The following CSMD3 variants were observed in gnomAD, a reference collection of about 807,000 sequenced individuals.
CSMD3 encodes CUB and Sushi multiple domains 3.
CSMD3 carries 177 observed loss-of-function variants against 435.2 expected under a neutral mutation model. That is an observed-to-expected ratio of 0.41 (90% CI 0.36 to 0.46). CSMD3 has a LOEUF of 0.46. Ranked by LOEUF, CSMD3 falls within the 20% of genes least tolerant of loss-of-function variation. CSMD3 has a pLI of 0.34. For synonymous variants in CSMD3, 1,656 were observed against 1,520.5 expected (o/e 1.09, Z -2.07); for missense variants, 4,265 against 4,504.6 (o/e 0.95, Z 1.52).
At chr8:112,722,175 T>C (rs1341493496) in intron 13 of CSMD3, among the ~76,000 whole-genome samples, 1 of 142,992 alleles carries the variant, frequency 7.0e-6, no homozygotes, top group Non-Finnish European at 1.5e-5. Flanking sequence ...TTAACTCTGC[T>C]AAAAATTCAG....
chr8:112,948,813 G>T (rs1347409825), intron 8 of CSMD3, among the ~76,000 whole-genome samples: 3 of 151,914 alleles, frequency 2.0e-5, no homozygotes, highest in Non-Finnish European at 4.4e-5. Context: ...AACACAGGTA[G>T]ATCTTTCTTG....
intron 4 of CSMD3, among the ~76,000 whole-genome samples, chr8:113,143,550 T>TA (rs1340697027): frequency 6.6e-6 from 1 of 151,470 alleles, no homozygotes; most frequent in Admixed American, 6.6e-5. Context: ...ACAGTGAAGA[T>TA]ATCCTTTAAT....
intron 5 of CSMD3, among the ~76,000 whole-genome samples, chr8:113,081,377 C>A (rs923897034): frequency 6.6e-6 from 1 of 152,126 alleles, no homozygotes; most frequent in African/African-American, 2.4e-5. Flanking sequence ...TCAATCTCTA[C>A]CAGAATCATC....
chr8:112,827,164 A>AT (rs1564000272), intron 12 of CSMD3, among the ~76,000 whole-genome samples: 4,033 of 82,586 alleles, frequency 0.049, 724 homozygotes, highest in East Asian at 0.085. Flanking sequence ...GGTTACCATA[A>AT]ATATATATAT....
intron 32 of CSMD3, among the ~76,000 whole-genome samples, chr8:112,440,315 T>C (rs1225620301): frequency 6.6e-6 from 1 of 152,210 alleles, no homozygotes; most frequent in Non-Finnish European, 1.5e-5. Flanking sequence ...ATCCAGGTTA[T>C]ACTGATGCAA....
At chr8:112,913,387 A>G (rs2130556541) in intron 10 of CSMD3, among the ~76,000 whole-genome samples, 1 of 151,778 alleles carries the variant, frequency 6.6e-6, no homozygotes, top group South Asian at 2.1e-4. Context: ...GTGGAGCTCA[A>G]GTGGTAATGC....
intron 1 of CSMD3, chr8:113,376,651 C>T: frequency 6.8e-7 from 1 of 1,472,696 alleles, no homozygotes; most frequent in Non-Finnish European, 9.5e-7. Context: ...CAGACCTGGC[C>T]AGGCAGGAGG....
intron 22 of CSMD3, among the ~76,000 whole-genome samples, chr8:112,598,210 C>A (rs1831944349): frequency 7.7e-6 from 1 of 129,250 alleles, no homozygotes; most frequent in Admixed American, 7.9e-5. Context: ...CACAAGCATT[C>A]TTATACACCA....
rs141088192 is a variant in CSMD3, at chr8:112,318,890, G to A, written c.7307C>T (p.Thr2436Met). Residue 2436 changes from threonine to methionine, a missense_variant, in exon 47 of 71, where the codon ACG becomes ATG. Thr to Met is a moderately conservative substitution (Grantham distance 81). Transcript: ENST00000297405. ...CTGCAGTCGTTCTCCTAATCTGCAC[G>A]TCAGAATTGCATTACCAACTAAAGT... ...GFTLVGNAIL[T>M]CRLGERLQMD... 4.2e-5 allele frequency: 67 copies of A among 1,612,506 alleles called. No homozygotes were observed. The highest frequency in any genetic ancestry group is 3.3e-4 in the Middle Eastern group (2 of 6,050).
chr8:113,290,822 T>C (rs2093681327), intron 2 of CSMD3, among the ~76,000 whole-genome samples: 1 of 151,558 alleles, frequency 6.6e-6, no homozygotes, highest in Non-Finnish European at 1.5e-5. Context: ...ATTATTATAC[T>C]ATTTTAAAAT....
At chr8:112,857,029 G>A (rs1230651480) in intron 11 of CSMD3, among the ~76,000 whole-genome samples, 2 of 151,628 alleles carry the variant, frequency 1.3e-5, no homozygotes, top group Non-Finnish European at 3.0e-5. Flanking sequence ...CATTCGACTA[G>A]AATGGAAAAT....
chr8:113,260,584 C>G (rs1357039266), intron 3 of CSMD3, among the ~76,000 whole-genome samples: 1 of 152,094 alleles, frequency 6.6e-6, no homozygotes, highest in Non-Finnish European at 1.5e-5. Context: ...AACTTGTTAA[C>G]TCTCAAGAAT....
chr8:112,831,937 T>C (rs1014925173), intron 11 of CSMD3, among the ~76,000 whole-genome samples: 8 of 152,200 alleles, frequency 5.3e-5, no homozygotes, highest in Non-Finnish European at 8.8e-5. Context: ...CTAGTTGAGA[T>C]CAGCTTTATA....
At chr8:112,771,931 G>C (rs113158954) in intron 13 of CSMD3, among the ~76,000 whole-genome samples, 22 of 151,834 alleles carry the variant, frequency 1.4e-4, no homozygotes, top group Admixed American at 3.9e-4. Context: ...GAAAGCAACC[G>C]AATACAGTAA....
At chr8:112,363,431 AT>A (rs1827453554) in intron 38 of CSMD3, among the ~76,000 whole-genome samples, 1 of 151,938 alleles carries the variant, frequency 6.6e-6, no homozygotes, top group South Asian at 2.1e-4. Context: ...AATACAAAAA[AT>A]ATATAAATAT....
At chr8:112,742,288 A>T (rs1399047557) in intron 13 of CSMD3, among the ~76,000 whole-genome samples, 1 of 151,944 alleles carries the variant, frequency 6.6e-6, no homozygotes, top group African/African-American at 2.4e-5. Context: ...CTATCCTATC[A>T]CAGTCTTAAG....
intron 1 of CSMD3, among the ~76,000 whole-genome samples, chr8:113,407,451 T>C (rs1316742989): frequency 6.6e-6 from 1 of 152,112 alleles, no homozygotes; most frequent in Non-Finnish European, 1.5e-5. Flanking sequence ...TCTGGACATC[T>C]TTGCACTGCA....
intron 18 of CSMD3, among the ~76,000 whole-genome samples, chr8:112,652,661 G>T (rs2075156715): frequency 6.6e-6 from 1 of 152,184 alleles, no homozygotes; most frequent in African/African-American, 2.4e-5. Context: ...GTTCATAATT[G>T]ATTGACAAGC....
At chr8:113,018,645 A>G (rs2086563991) in intron 6 of CSMD3, 1 of 175,986 alleles carries the variant, frequency 5.7e-6, no homozygotes, top group Non-Finnish European at 1.2e-5. Context: ...CAATTGGTAG[A>G]TAAAACTCCT....
Sources: gnomAD v4.1 joint callset for allele counts (sites outside exome capture counted in the v4.1 genomes callset) on GRCh38, gnomAD v4.1.1 for gene constraint, MANE v1.5 for transcripts, NCBI Gene and HGNC (gene_info 2026-07-23, HGNC 2026-07-21) for gene names.